The following ASTN2 variants were observed in gnomAD, a reference collection of about 807,000 sequenced individuals.
The protein encoded by ASTN2 is astrotactin 2, also known as astrotactin-2.
In ASTN2, 54 loss-of-function variants were observed where a neutral mutation model predicts 139.8. The ratio of observed to expected loss-of-function variants is 0.39; its 90% confidence interval spans 0.31 to 0.48. ASTN2 has a LOEUF of 0.48. Among genes scored for constraint, ASTN2 ranks in the 20% least tolerant of loss-of-function variants. The pLI is 0.95. For missense variants in ASTN2, 1,565 were observed against 1,725.1 expected (o/e 0.91, Z 1.64); for synonymous variants, 756 against 719.5 (o/e 1.05, Z -0.81).
At chr9:116,467,536 A>T (rs1313533564) in intron 20 of ASTN2, among the ~76,000 whole-genome samples, 1 of 152,238 alleles carries the variant, frequency 6.6e-6, no homozygotes, top group Non-Finnish European at 1.5e-5. Flanking sequence ...AAGTGCTCGG[A>T]TTACAGGCGT....
chr9:117,321,337 T>C (rs925194614), intron 1 of ASTN2, among the ~76,000 whole-genome samples: 3 of 152,194 alleles, frequency 2.0e-5, no homozygotes, highest in African/African-American at 7.2e-5. Flanking sequence ...TAAATCTTTC[T>C]GGCTGCAGGG....
chr9:117,001,092 T>TTA (rs1837178581), intron 7 of ASTN2, among the ~76,000 whole-genome samples: 1 of 152,122 alleles, frequency 6.6e-6, no homozygotes, highest in Non-Finnish European at 1.5e-5. Flanking sequence ...ACCAAGACAA[T>TTA]TATATATATG....
In ASTN2 at chr9:117,054,756, GTCGTAGT is replaced by G. The variant is rs766385027; in HGVS notation, c.1277-14798_1277-14792del. 6.7e-4 allele frequency among the ~76,000 whole-genome samples: 102 copies of G among 152,254 alleles called. No homozygotes were observed. In the Middle Eastern group the frequency reaches 0.014, roughly 20 times the overall value. Reference sequence around the variant, plus strand: ...ATAGGCAGGGAACAGCTCATAAAATGTCGTAGTTCATTGCAAGGAAAGTGGACTTTCT... The same window carrying G: ...ATAGGCAGGGAACAGCTCATAAAATGTCATTGCAAGGAAAGTGGACTTTCT... On this transcript the variant is annotated intron_variant, in intron 5 of 22. Transcript: ENST00000313400.
intron 10 of ASTN2, among the ~76,000 whole-genome samples, chr9:116,870,255 C>G (rs1279022831): frequency 6.6e-6 from 1 of 152,214 alleles, no homozygotes; most frequent in Non-Finnish European, 1.5e-5. Flanking sequence ...GTAGGTCCAA[C>G]TCCACATTCT....
intron 1 of ASTN2, among the ~76,000 whole-genome samples, chr9:117,322,695 A>G (rs1489766752): frequency 6.6e-6 from 1 of 152,064 alleles, no homozygotes; most frequent in Non-Finnish European, 1.5e-5. Flanking sequence ...CTTCCTCCTT[A>G]CCAGGCCATA....
intron 19 of ASTN2, among the ~76,000 whole-genome samples, chr9:116,593,031 A>G (rs757103789): frequency 1.3e-5 from 2 of 152,242 alleles, no homozygotes; most frequent in Non-Finnish European, 2.9e-5. Context: ...GACAAGGCAG[A>G]TGTGGCAACA....
intron 19 of ASTN2, among the ~76,000 whole-genome samples, chr9:116,598,395 C>T (rs372734486): frequency 1.3e-5 from 2 of 152,200 alleles, no homozygotes; most frequent in South Asian, 4.1e-4. Context: ...GAAGTTCCTT[C>T]ACCACTGGGA....
intron 4 of ASTN2, among the ~76,000 whole-genome samples, chr9:117,098,714 T>A (rs2132759644): frequency 6.6e-6 from 1 of 151,602 alleles, no homozygotes; most frequent in Middle Eastern, 3.4e-3. Context: ...TGGAAGTGAC[T>A]GGAGAGCAGA....
At chr9:116,636,012 T>C (rs772543705) in intron 17 of ASTN2, among the ~76,000 whole-genome samples, 9 of 152,196 alleles carry the variant, frequency 5.9e-5, no homozygotes, top group Non-Finnish European at 1.0e-4. Flanking sequence ...TATCTGATGA[T>C]AGAACAGGCT....
chr9:116,843,659 CAAAA>C (rs34552965), intron 11 of ASTN2, among the ~76,000 whole-genome samples: 1 of 115,610 alleles, frequency 8.6e-6, no homozygotes, highest in Non-Finnish European at 1.8e-5. Context: ...AACTCTGTCT[CAAAA>C]AAAAAAAAAA....
Position 117,201,395 on chromosome 9 carries a change from T to C in ASTN2, c.1015+12963A>G, listed in dbSNP as rs370948930. On this transcript the variant is annotated intron_variant, in intron 3 of 22. Transcript: ENST00000313400. Reference sequence around the variant, plus strand: ...CTTCAATTCTTCTCTGATTTTAGTTTGCTCTTGGCTCTCTAGCTCTTTTAA... The same window carrying C: ...CTTCAATTCTTCTCTGATTTTAGTTCGCTCTTGGCTCTCTAGCTCTTTTAA... Among the ~76,000 whole-genome samples the C allele has an allele frequency of 2.6e-5, 4 of 151,660 alleles. No individual in the cohort carries two copies. In the East Asian group the frequency reaches 7.8e-4, roughly 29 times the overall value.
rs536781204 is a variant in ASTN2 at position 116,576,870 on chromosome 9, C to T, written c.3355+41454G>A. Among the ~76,000 whole-genome samples the T allele has an allele frequency of 4.6e-5, 7 of 152,318 alleles. No homozygotes were observed. In the South Asian group the frequency reaches 1.4e-3, roughly 32 times the overall value. ...AAACCATCAGAAAGCTCATCCCACC[C>T]TTACCTTGCTTATAAAGCACTTTTA... is the stretch of plus-strand genomic sequence containing the variant. On this transcript the variant is annotated intron_variant, in intron 19 of 22. Transcript: ENST00000313400.
intron 1 of ASTN2, among the ~76,000 whole-genome samples, chr9:117,358,729 G>A (rs900189918): frequency 1.3e-5 from 2 of 152,124 alleles, no homozygotes; most frequent in African/African-American, 4.8e-5. Flanking sequence ...TGGGCTGCTG[G>A]AGAAATGCAA....
At chr9:116,449,167 A>ACT (rs1848098999) in intron 20 of ASTN2, among the ~76,000 whole-genome samples, 1 of 152,162 alleles carries the variant, frequency 6.6e-6, no homozygotes, top group African/African-American at 2.4e-5. Context: ...GCACTTTGGG[A>ACT]GACCGAGGCA....
chr9:116,707,713 C>G (rs1828030560), intron 16 of ASTN2, among the ~76,000 whole-genome samples: 1 of 152,210 alleles, frequency 6.6e-6, no homozygotes, highest in African/African-American at 2.4e-5. Flanking sequence ...TTTTGTACCT[C>G]TACAACCTAG....
chr9:116,425,363 ATGCTTCCTCAC>A lies in ASTN2; in HGVS notation c.*477_*487del. On this transcript the variant is annotated 3_prime_UTR_variant, in exon 23 of 23. Coordinates refer to ENST00000313400, the MANE Select transcript of ASTN2 (RefSeq NM_001365068.1). ...AAGAGAGAGAAGTCCTTAAAGACCC[ATGCTTCCTCAC>A]TGCAACCATCCTCAGAGCTTCCTTC... is the stretch of plus-strand genomic sequence containing the variant. 1.7e-6 allele frequency: 1 copy of A among 594,760 alleles called. No individual in the cohort carries two copies. Among genetic ancestry groups the A allele is most frequent in the East Asian group, 3.0e-5 (1 of 33,778 alleles). 36.8% of individuals were successfully genotyped at this position (594,760 alleles called of 1,614,324 possible). A position where few individuals can be genotyped will look rare whatever the true frequency, so the allele number is the denominator to read the frequency against.
chr9:116,454,544 C>T (rs1848269107), intron 20 of ASTN2, among the ~76,000 whole-genome samples: 1 of 152,140 alleles, frequency 6.6e-6, no homozygotes, highest in Non-Finnish European at 1.5e-5. Context: ...CATCCCATTA[C>T]ATACCCAAAT....
At chr9:116,818,210 A>C (rs1398802491) in intron 12 of ASTN2, among the ~76,000 whole-genome samples, 1 of 152,254 alleles carries the variant, frequency 6.6e-6, no homozygotes, top group Non-Finnish European at 1.5e-5. Flanking sequence ...ACCTGGTTGC[A>C]AACAGATTTA....
rs545006846 is a variant in ASTN2, at chr9:116,671,522, A to G, written c.2807-19729T>C. Among the ~76,000 whole-genome samples, 12 of 152,138 alleles carry G rather than the reference A, an allele frequency of 7.9e-5. No homozygotes were observed. The East Asian group carries it at 2.3e-3, about 29-fold the overall frequency. ...AGAGAGAGCAAGTTGGGGTGGGGGG[A>G]ACAACTCTAAAATGGCCTTCAACAA... On this transcript the variant is annotated intron_variant, in intron 16 of 22. Coordinates refer to ENST00000313400, the MANE Select transcript of ASTN2 (RefSeq NM_001365068.1).
Sources: gnomAD v4.1 joint callset for allele counts (sites outside exome capture counted in the v4.1 genomes callset) on GRCh38, gnomAD v4.1.1 for gene constraint, MANE v1.5 for transcripts, NCBI Gene and HGNC (gene_info 2026-07-23, HGNC 2026-07-21) for gene names.